The following SLC24A2 variants were observed in gnomAD, a reference collection of about 807,000 sequenced individuals.
SLC24A2 encodes solute carrier family 24 member 2.
A neutral mutation model predicts 62.0 loss-of-function variants in SLC24A2; 36 were observed. The ratio of observed to expected loss-of-function variants is 0.58; its 90% CI spans 0.44 to 0.77. SLC24A2 has a LOEUF of 0.77. SLC24A2 is among the 30% of genes least tolerant of loss of function. The probability of loss-of-function intolerance (pLI) is 0.00; values close to 1 mark genes in which losing one functional copy is unlikely to be tolerated. For missense variants in SLC24A2, 846 were observed against 817.9 expected (o/e 1.03, Z -0.42); for synonymous variants, 358 against 294.0 (o/e 1.22, Z -2.23).
At chr9:20,239,296 G>A in the SLC24A2 span, among the ~76,000 whole-genome samples, 1 of 152,188 alleles carries the variant, frequency 6.6e-6, no homozygotes, top group East Asian at 1.9e-4. Context: ...GCATTGCATG[G>A]GACATTATAA....
chr9:20,051,657 C>CTTTTTTTTTTTTTTTTTTCTTTTT, the SLC24A2 span, among the ~76,000 whole-genome samples: 1 of 73,514 alleles, frequency 1.4e-5, no homozygotes, highest in African/African-American at 6.1e-5. Flanking sequence ...TTTTCTTTCT[C>CTTTTTTTTTTTTTTTTTTCTTTTT]TTTTTTTTTT....
At chr9:19,668,732 T>C (rs1156969436) in intron 2 of SLC24A2, among the ~76,000 whole-genome samples, 1 of 152,222 alleles carries the variant, frequency 6.6e-6, no homozygotes, top group Admixed American at 6.5e-5. Context: ...CACACACAGA[T>C]ACACAACCCT....
chr9:19,710,294 T>C (rs1023284081), intron 2 of SLC24A2, among the ~76,000 whole-genome samples: 8 of 152,242 alleles, frequency 5.3e-5, no homozygotes, highest in Admixed American at 3.9e-4. Context: ...CAAGATGCTT[T>C]CAGGTAAGGG....
At chr9:20,243,797 G>A in the SLC24A2 span, among the ~76,000 whole-genome samples, 1 of 152,164 alleles carries the variant, frequency 6.6e-6, no homozygotes, top group Non-Finnish European at 1.5e-5. Context: ...CTGCCTTCCA[G>A]TAGCTTGCCT....
the SLC24A2 span, among the ~76,000 whole-genome samples, chr9:20,121,096 A>C: frequency 7.0e-6 from 1 of 143,590 alleles, no homozygotes. Context: ...CTTTTTTTCA[A>C]AATTGTTTCA....
chr9:19,789,959 C>T (rs1011457940), upstream of SLC24A2, among the ~76,000 whole-genome samples: 1 of 152,160 alleles, frequency 6.6e-6, no homozygotes, highest in East Asian at 1.9e-4. Flanking sequence ...CCTGAGAGCT[C>T]ATGACCTCTG....
the SLC24A2 span, among the ~76,000 whole-genome samples, chr9:20,264,490 C>A: frequency 1.3e-5 from 2 of 152,166 alleles, no homozygotes; most frequent in Non-Finnish European, 2.9e-5. Context: ...TGAAACAAAT[C>A]TTTTCTTGGT....
At chr9:20,294,026 C>T in the SLC24A2 span, among the ~76,000 whole-genome samples, 1 of 152,122 alleles carries the variant, frequency 6.6e-6, no homozygotes, top group Non-Finnish European at 1.5e-5. Context: ...ACCCCCACTG[C>T]TTGTACATTT....
At chr9:19,560,726 A>G (rs887318455) in intron 7 of SLC24A2, among the ~76,000 whole-genome samples, 3 of 152,148 alleles carry the variant, frequency 2.0e-5, no homozygotes, top group African/African-American at 2.4e-5. Flanking sequence ...ATCTTTTTCA[A>G]AGGTCTCATT....
At chr9:19,908,731 A>G in the SLC24A2 span, among the ~76,000 whole-genome samples, 14 of 152,356 alleles carry the variant, frequency 9.2e-5, no homozygotes, top group East Asian at 2.7e-3. Context: ...ACATGAAAAA[A>G]TGCTTATCAT....
At chr9:19,913,403 C>T in the SLC24A2 span, among the ~76,000 whole-genome samples, 1 of 152,110 alleles carries the variant, frequency 6.6e-6, no homozygotes, top group African/African-American at 2.4e-5. Flanking sequence ...GATATCTCAT[C>T]CAAGCTAGTC....
chr9:19,740,909 G>C (rs1821656536), intron 2 of SLC24A2, among the ~76,000 whole-genome samples: 1 of 150,968 alleles, frequency 6.6e-6, no homozygotes, highest in South Asian at 2.1e-4. Flanking sequence ...TATTCACAGA[G>C]ACCCACAACA....
intron 9 of SLC24A2, among the ~76,000 whole-genome samples, chr9:19,526,671 A>G (rs1438331173): frequency 6.6e-6 from 1 of 152,162 alleles, no homozygotes; most frequent in African/African-American, 2.4e-5. Flanking sequence ...ATCTGTTCAG[A>G]TCTTCAAAAT....
intron 2 of SLC24A2, among the ~76,000 whole-genome samples, chr9:19,732,521 T>A (rs1457267928): frequency 6.6e-6 from 1 of 152,164 alleles, no homozygotes; most frequent in Non-Finnish European, 1.5e-5. Context: ...CGGGGCACAG[T>A]GTGATGTTGT....
At chr9:19,723,380 A>G (rs1433186234) in intron 2 of SLC24A2, among the ~76,000 whole-genome samples, 1 of 152,170 alleles carries the variant, frequency 6.6e-6, no homozygotes, top group Non-Finnish European at 1.5e-5. Flanking sequence ...GAATGAGCCC[A>G]CAGGACATCT....
chr9:19,574,021 G>A (rs760745868), intron 6 of SLC24A2, among the ~76,000 whole-genome samples: 1 of 152,238 alleles, frequency 6.6e-6, no homozygotes. Flanking sequence ...TGCTTTGATC[G>A]GGTTGCTATC....
chr9:19,557,588 G>T (rs568496147), intron 7 of SLC24A2, among the ~76,000 whole-genome samples: 2 of 152,302 alleles, frequency 1.3e-5, no homozygotes, highest in Admixed American at 6.5e-5. Flanking sequence ...CTGAATAAAT[G>T]CTGGCAGGGC....
chr9:20,081,204 A>G, the SLC24A2 span, among the ~76,000 whole-genome samples: 3 of 152,052 alleles, frequency 2.0e-5, no homozygotes, highest in African/African-American at 7.2e-5. Flanking sequence ...CACTATTCAC[A>G]ATAGCAAAGA....
rs370717099 is a variant in SLC24A2, at chr9:19,566,794, G to A, written c.1347+6557C>T. Reference sequence around the variant, plus strand: ...ACTATGCAGCCATAAAAAAGGATGAGTTCATGTCCTTTGTAGGGACACGGA... The same window carrying A: ...ACTATGCAGCCATAAAAAAGGATGAATTCATGTCCTTTGTAGGGACACGGA... On this transcript the variant is annotated intron_variant, in intron 7 of 10. Coordinates refer to ENST00000341998, the MANE Select transcript of SLC24A2 (RefSeq NM_020344.4). Among the ~76,000 whole-genome samples the A allele has an allele frequency of 1.6e-4, 24 of 152,288 alleles. No individual in the cohort carries two copies. The East Asian group carries it at 3.7e-3, about 23-fold the overall frequency.
Sources: gnomAD v4.1 joint callset for allele counts (sites outside exome capture counted in the v4.1 genomes callset) on GRCh38, gnomAD v4.1.1 for gene constraint, MANE v1.5 for transcripts, NCBI Gene and HGNC (gene_info 2026-07-23, HGNC 2026-07-21) for gene names.